TSPAN2: variants seen among roughly 807,000 people sequenced by gnomAD.
TSPAN2 encodes tetraspanin-2.
TSPAN2 carries 24 observed loss-of-function variants against 33.3 expected under a neutral mutation model. The ratio of observed to expected loss-of-function variants is 0.72; its 90% CI spans 0.52 to 1.01. The LOEUF (loss-of-function observed/expected upper bound fraction) is 1.01. Among genes scored for constraint, TSPAN2 ranks in the 50% least tolerant of loss-of-function variants. The pLI, the probability that TSPAN2 is intolerant of heterozygous loss-of-function variation, is 0.00. For missense variants in TSPAN2, 278 were observed against 281.3 expected (o/e 0.99, Z 0.08); for synonymous variants, 114 against 104.5 (o/e 1.09, Z -0.56).
At chr1:115,067,855 C>A (rs1002983822) in intron 2 of TSPAN2, among the ~76,000 whole-genome samples, 1 of 152,180 alleles carries the variant, frequency 6.6e-6, no homozygotes, top group Non-Finnish European at 1.5e-5. Context: ...CTGAGGGGCT[C>A]GCTCCCTACT....
Position 115,048,590 on chromosome 1 carries a change from T to G in TSPAN2, c.*1900A>C, listed in dbSNP as rs1165271751. On this transcript the variant is annotated 3_prime_UTR_variant, in exon 8 of 8. Transcript: ENST00000369516. Reference sequence around the variant, plus strand: ...TTCAGATAGGAAACTAAACTCACTTTTGTGGAATCAGAGATGATTCTGAGT... The same window carrying G: ...TTCAGATAGGAAACTAAACTCACTTGTGTGGAATCAGAGATGATTCTGAGT... The G allele has an allele frequency of 6.6e-6, 1 of 152,042 alleles. No homozygotes were observed. The highest frequency in any genetic ancestry group is 1.5e-5 in the Non-Finnish European group (1 of 67,948). 9.4% of individuals were successfully genotyped at this position (152,042 alleles called of 1,614,324 possible).
intron 1 of TSPAN2, among the ~76,000 whole-genome samples, chr1:115,081,490 C>T (rs1050780130): frequency 6.6e-6 from 1 of 152,146 alleles, no homozygotes. Flanking sequence ...TAATGATGCC[C>T]TTAGGGTAAT....
chr1:115,089,312 G>GGCCCCCCCCCCCCCC, intron 1 of TSPAN2, 52 bp downstream of exon 1: 2 of 1,389,148 alleles, frequency 1.4e-6, no homozygotes, highest in Non-Finnish European at 2.0e-6. Context: ...CCGGCCCCGC[G>GGCCCCCCCCCCCCCC]CCCGCCACCC....
intron 1 of TSPAN2, among the ~76,000 whole-genome samples, chr1:115,083,893 G>A (rs1194485669): frequency 1.3e-5 from 2 of 152,118 alleles, no homozygotes; most frequent in Non-Finnish European, 2.9e-5. Context: ...GACTAAACAG[G>A]GAATAAATTC....
At chr1:115,075,235 T>C (rs1286366) in intron 1 of TSPAN2, among the ~76,000 whole-genome samples, 111,191 of 152,114 alleles carry the variant, frequency 0.73, 40,850 homozygotes, top group South Asian at 0.81. Flanking sequence ...TTAAAGCCAT[T>C]GGGCAATGGG....
intron 2 of TSPAN2, among the ~76,000 whole-genome samples, chr1:115,071,331 A>G (rs954360334): frequency 3.9e-5 from 6 of 152,322 alleles, no homozygotes; most frequent in Non-Finnish European, 8.8e-5. Context: ...AAGGGACCCT[A>G]TGAAGCGAAA....
intron 6 of TSPAN2, among the ~76,000 whole-genome samples, chr1:115,056,013 A>G (rs1243900368): frequency 6.6e-6 from 1 of 152,200 alleles, no homozygotes. Context: ...ATTTCTGGAT[A>G]GAAGGGCATA....
intron 2 of TSPAN2, among the ~76,000 whole-genome samples, chr1:115,069,419 G>A (rs1648076923): frequency 6.6e-6 from 1 of 152,214 alleles, no homozygotes; most frequent in Non-Finnish European, 1.5e-5. Context: ...TACTGCCAAC[G>A]AGAGTTAGGC....
intron 2 of TSPAN2, among the ~76,000 whole-genome samples, chr1:115,062,772 T>C (rs1398067071): frequency 6.6e-6 from 1 of 152,228 alleles, no homozygotes; most frequent in Non-Finnish European, 1.5e-5. Flanking sequence ...CTCCCATTAA[T>C]AGGGAGGGTG....
At chr1:115,066,705 T>C (rs1278557215) in intron 2 of TSPAN2, among the ~76,000 whole-genome samples, 8 of 152,198 alleles carry the variant, frequency 5.3e-5, no homozygotes, top group Non-Finnish European at 1.0e-4. Context: ...TTTTTTTATG[T>C]CCCTACATTT....
At position 115,070,388 on chromosome 1, in the gene TSPAN2, T is replaced by TC. The variant is rs1412910872; in HGVS notation, c.172+2516dup. ...TCAATAATCTGCTTTTTTTTTTTTT[T>TC]CTGTCCTGGGATTCCCCTTTCATTC... On this transcript the variant is annotated intron_variant, in intron 2 of 7. Coordinates refer to ENST00000369516, the MANE Select transcript of TSPAN2 (RefSeq NM_005725.6). 3.3e-4 allele frequency among the ~76,000 whole-genome samples: 50 copies of TC among 151,804 alleles called. No homozygotes were observed. The East Asian group carries it at 7.9e-3, about 24-fold the overall frequency.
chr1:115,055,333 T>TA lies in TSPAN2; in HGVS notation c.517-1872_517-1871insT, dbSNP rs1647356037. Among the ~76,000 whole-genome samples, 4 of 151,786 alleles carry TA rather than the reference T, an allele frequency of 2.6e-5. No individual in the cohort carries two copies. In the South Asian group the frequency reaches 8.3e-4, roughly 32 times the overall value. On this transcript the variant is annotated intron_variant, in intron 6 of 7. Transcript: ENST00000369516. Reference sequence around the variant, plus strand: ...TGTAGAAATCTGGAAAAGAGATTTTTTTTTTTTTAAAAAGAAATGTCTGTA... The same window carrying TA: ...TGTAGAAATCTGGAAAAGAGATTTTTATTTTTTTTAAAAAGAAATGTCTGTA...
At chr1:115,059,332 A>G (rs1267167868) in intron 4 of TSPAN2, among the ~76,000 whole-genome samples, 1 of 152,196 alleles carries the variant, frequency 6.6e-6, no homozygotes, top group Non-Finnish European at 1.5e-5. Context: ...TCAGCAACAT[A>G]TGGAGAAGAT....
chr1:115,061,832 C>G (rs1013140882), intron 3 of TSPAN2, among the ~76,000 whole-genome samples: 6 of 151,972 alleles, frequency 3.9e-5, no homozygotes, highest in Non-Finnish European at 7.4e-5. Flanking sequence ...GCCATCACAC[C>G]CGGTAGAGAC....
chr1:115,077,536 G>A (rs907301430), intron 1 of TSPAN2, among the ~76,000 whole-genome samples: 1 of 152,162 alleles, frequency 6.6e-6, no homozygotes, highest in South Asian at 2.1e-4. Context: ...AACAATGTGT[G>A]TTCTAAAACT....
At chr1:115,070,294 T>C (rs1648115494) in intron 2 of TSPAN2, among the ~76,000 whole-genome samples, 1 of 152,172 alleles carries the variant, frequency 6.6e-6, no homozygotes, top group Non-Finnish European at 1.5e-5. Context: ...CTTATCTTTC[T>C]GTTTCTTTCT....
At chr1:115,088,111 T>C (rs2101052998) in intron 1 of TSPAN2, among the ~76,000 whole-genome samples, 1 of 152,328 alleles carries the variant, frequency 6.6e-6, no homozygotes, top group South Asian at 2.1e-4. Flanking sequence ...ACAAAGGCCA[T>C]GTGTCTCTTT....
intron 1 of TSPAN2, among the ~76,000 whole-genome samples, chr1:115,077,981 C>A (rs1648482308): frequency 6.6e-6 from 1 of 152,186 alleles, no homozygotes; most frequent in South Asian, 2.1e-4. Flanking sequence ...AGCAAAAAAG[C>A]CCCCTTTGGG....
intron 7 of TSPAN2, among the ~76,000 whole-genome samples, chr1:115,052,705 C>T (rs1293524921): frequency 2.0e-5 from 3 of 152,228 alleles, no homozygotes; most frequent in Non-Finnish European, 4.4e-5. Context: ...TCTGGATGCA[C>T]TACGCTTAAT....
Sources: gnomAD v4.1 joint callset for allele counts (sites outside exome capture counted in the v4.1 genomes callset) on GRCh38, gnomAD v4.1.1 for gene constraint, MANE v1.5 for transcripts, NCBI Gene and HGNC (gene_info 2026-07-23, HGNC 2026-07-21) for gene names.